Variants in MYO10 observed in about 807,000 individuals in gnomAD.
MYO10 encodes myosin X.
MYO10 carries 133 observed loss-of-function variants against 257.3 expected under a neutral mutation model. That is an observed-to-expected ratio of 0.52 (90% CI 0.45 to 0.60). The LOEUF (loss-of-function observed/expected upper bound fraction) is 0.60, where lower values mean the gene tolerates loss of function less well. MYO10 is among the 20% of genes least tolerant of loss of function. The probability of loss-of-function intolerance (pLI) is 0.00; values close to 1 mark genes in which losing one functional copy is unlikely to be tolerated. For missense variants in MYO10, 2,399 were observed against 2,635.7 expected (o/e 0.91, Z 1.97); for synonymous variants, 1,104 against 1,028.6 (o/e 1.07, Z -1.40).
At chr5:16,709,878 T>A (rs1183045280) in intron 21 of MYO10, among the ~76,000 whole-genome samples, 1 of 144,340 alleles carries the variant, frequency 6.9e-6, no homozygotes, top group Non-Finnish European at 1.5e-5. Flanking sequence ...CAGTAAAAAA[T>A]TTCCCTAGAG....
intron 2 of MYO10, among the ~76,000 whole-genome samples, chr5:16,843,321 T>C (rs1035181893): frequency 2.0e-5 from 3 of 152,236 alleles, no homozygotes; most frequent in South Asian, 4.1e-4. Context: ...TATATACCCA[T>C]ATATGCATTC....
intron 1 of MYO10, among the ~76,000 whole-genome samples, chr5:16,904,404 G>A (rs1327956863): frequency 2.0e-5 from 3 of 152,214 alleles, no homozygotes; most frequent in African/African-American, 7.2e-5. Context: ...AGGGAACCCT[G>A]ATGTACAGGC....
chr5:16,887,489 TTTATTA>T (rs909446953), intron 1 of MYO10, among the ~76,000 whole-genome samples: 5 of 152,046 alleles, frequency 3.3e-5, no homozygotes, highest in Non-Finnish European at 5.9e-5. Context: ...AGTCCTGAGT[TTTATTA>T]TTATTATTAT....
chr5:16,762,968 G>GAAA (rs35384200), intron 14 of MYO10, among the ~76,000 whole-genome samples: 5 of 117,556 alleles, frequency 4.3e-5, no homozygotes, highest in African/African-American at 9.6e-5. Flanking sequence ...CGTCTCAGGG[G>GAAA]AAAAAAAAAA....
At chr5:16,785,905 C>G (rs1413852513) in intron 4 of MYO10, among the ~76,000 whole-genome samples, 1 of 152,016 alleles carries the variant, frequency 6.6e-6, no homozygotes, top group Admixed American at 6.6e-5. Flanking sequence ...AAACAAAAAA[C>G]CCGGCAGGCA....
chr5:16,849,803 G>A (rs1303157819), intron 2 of MYO10, among the ~76,000 whole-genome samples: 1 of 152,150 alleles, frequency 6.6e-6, no homozygotes, highest in Non-Finnish European at 1.5e-5. Flanking sequence ...TCCCAACTTG[G>A]TTTGAAATCT....
intron 3 of MYO10, among the ~76,000 whole-genome samples, chr5:16,809,950 G>A (rs1302934852): frequency 2.6e-5 from 4 of 152,072 alleles, no homozygotes; most frequent in Non-Finnish European, 4.4e-5. Context: ...TTAGAGACTG[G>A]GAGAGGAGTC....
At chr5:16,847,222 C>T (rs1178081470) in intron 2 of MYO10, among the ~76,000 whole-genome samples, 1 of 151,950 alleles carries the variant, frequency 6.6e-6, no homozygotes, top group East Asian at 1.9e-4. Context: ...ACGAGGTTAG[C>T]AGACCATCCT....
At chr5:16,929,919 A>G (rs1161467780) in intron 1 of MYO10, among the ~76,000 whole-genome samples, 1 of 152,192 alleles carries the variant, frequency 6.6e-6, no homozygotes, top group Non-Finnish European at 1.5e-5. Flanking sequence ...GAACTGTAAG[A>G]TACTTCATAA....
At chr5:16,773,411 A>T (rs1462993919) in intron 9 of MYO10, among the ~76,000 whole-genome samples, 1 of 152,220 alleles carries the variant, frequency 6.6e-6, no homozygotes, top group Non-Finnish European at 1.5e-5. Flanking sequence ...TTCTATGATT[A>T]AAGTTTTCTT....
In MYO10 at chr5:16,712,781, C is replaced by T. The variant is rs143443906; in HGVS notation, c.1930-1536G>A. On this transcript the variant is annotated intron_variant, in intron 19 of 40. Coordinates refer to ENST00000513610, the MANE Select transcript of MYO10 (RefSeq NM_012334.3). ...CTGTGGTCAAATTGTCTTTATTTAG[C>T]AGTATTCCAAACAAGTGCAGCCAGC... Among the ~76,000 whole-genome samples, 1,074 of 152,288 alleles carry T rather than the reference C, an allele frequency of 7.1e-3. 4 individuals carry two copies. Among genetic ancestry groups the T allele is most frequent in the South Asian group, 0.012 (60 of 4,832 alleles).
At chr5:16,844,372 C>T (rs1167494706) in intron 2 of MYO10, among the ~76,000 whole-genome samples, 2 of 152,140 alleles carry the variant, frequency 1.3e-5, no homozygotes, top group Non-Finnish European at 2.9e-5. Context: ...CAATATTTAT[C>T]CGCTTTCTCC....
chr5:16,818,015 T>C lies in MYO10; in HGVS notation c.273A>G (p.Gln91=), dbSNP rs747484144. The C allele has an allele frequency of 6.4e-7, 1 of 1,552,332 alleles. No individual in the cohort carries two copies. Among genetic ancestry groups the C allele is most frequent in the South Asian group, 1.2e-5 (1 of 82,578 alleles). The change falls in exon 3 of 41, where the codon CAA becomes CAG. Residue 91 remains glutamine (Q), a synonymous_variant. Coordinates refer to ENST00000513610, the MANE Select transcript of MYO10 (RefSeq NM_012334.3). The part of the protein sequence containing the change: ...YNLFQRYKRN[Q]IYTYIGSILA... Reference sequence around the variant, plus strand: ...AATTACAAGTGGAACTTACATATATTTGATTTCTCTTATACCGCTGGAATA... The same window carrying C: ...AATTACAAGTGGAACTTACATATATCTGATTTCTCTTATACCGCTGGAATA...
intron 3 of MYO10, 59 bp downstream of exon 3, chr5:16,817,950 A>T: frequency 7.8e-7 from 1 of 1,289,650 alleles, no homozygotes; most frequent in Non-Finnish European, 1.0e-6. Flanking sequence ...TCTGAAAACA[A>T]AAATAAGCAT....
chr5:16,799,643 C>T lies in MYO10; in HGVS notation c.280-4810G>A, dbSNP rs533708309. Among the ~76,000 whole-genome samples, 6 of 152,220 alleles carry T rather than the reference C, an allele frequency of 3.9e-5. No individual in the cohort carries two copies. The South Asian group carries it at 1.2e-3, about 32-fold the overall frequency. ...AAGTAGCTGGGATAACAGGTGTGTG[C>T]CCCTACGCCCACCTAATTTTTGCAT... On this transcript the variant is annotated intron_variant, in intron 3 of 40. Transcript: ENST00000513610.
In MYO10 at chr5:16,701,950, C is replaced by A; in HGVS notation, c.2557-112G>T. Reference sequence around the variant, plus strand: ...GTCATTATGAGTTGGACTGTGTCCCCATAAAGTCTATAGGTTGAAGTCCTA... The same window carrying A: ...GTCATTATGAGTTGGACTGTGTCCCAATAAAGTCTATAGGTTGAAGTCCTA... On this transcript the variant is annotated intron_variant, in intron 24 of 40. Coordinates refer to ENST00000513610, the MANE Select transcript of MYO10 (RefSeq NM_012334.3). This position sits in a 1 kb window ranked among gnomAD's most constrained non-coding sequence, Gnocchi z 8.1. 1 of 1,275,118 alleles carries A rather than the reference C, an allele frequency of 7.8e-7. No homozygotes were observed. The highest frequency in any genetic ancestry group is 2.4e-5 in the East Asian group (1 of 41,160). The allele number at this position is 1,275,118 out of a possible 1,614,324, so 79.0% of individuals were successfully genotyped here.
At chr5:16,930,990 G>A (rs1243092212) in intron 1 of MYO10, among the ~76,000 whole-genome samples, 2 of 152,114 alleles carry the variant, frequency 1.3e-5, no homozygotes, top group Non-Finnish European at 2.9e-5. Context: ...AGGTACTCCC[G>A]GCTGGGCATG....
At chr5:16,817,966 C>A in intron 3 of MYO10, 43 bp downstream of exon 3, 1 of 1,371,344 alleles carries the variant, frequency 7.3e-7, no homozygotes. Flanking sequence ...AGCATTCACT[C>A]AAACGTGAGG....
chr5:16,874,354 GGGGGGT>G lies in MYO10; in HGVS notation c.120+3249_120+3254del, dbSNP rs1337583949. Reference sequence around the variant, plus strand: ...ATCTAAAAAAAAAAGCGGGGGGGGGGGGGGGTTTCTTTTCTATCACATAGTCAGGCT... The same window carrying G: ...ATCTAAAAAAAAAAGCGGGGGGGGGGTTCTTTTCTATCACATAGTCAGGCT... On this transcript the variant is annotated intron_variant, in intron 2 of 40. Transcript: ENST00000513610. 6.5e-5 allele frequency among the ~76,000 whole-genome samples: 7 copies of G among 108,364 alleles called. 2 individuals are homozygous for G. Among genetic ancestry groups the G allele is most frequent in the South Asian group, 1.1e-3 (2 of 1,900 alleles). 71.1% of individuals were successfully genotyped at this position (108,364 alleles called of 152,430 possible).
Sources: allele counts gnomAD v4.1 joint callset (sites outside exome capture counted in the v4.1 genomes callset), GRCh38; gene constraint gnomAD v4.1.1; non-coding constraint Gnocchi (gnomAD v3.1); transcripts MANE v1.5; gene names NCBI Gene and HGNC (gene_info 2026-07-23, HGNC 2026-07-21).